RNF220: variants seen among roughly 807,000 people sequenced by gnomAD.
RNF220 encodes E3 ubiquitin-protein ligase RNF220.
Under a neutral mutation model 67.1 loss-of-function variants are expected in RNF220, and 7 were observed. The observed-to-expected ratio is 0.10, with a 90% CI of 0.06 to 0.20. The LOEUF is 0.20. Among genes scored for constraint, RNF220 ranks in the 10% least tolerant of loss-of-function variants. RNF220 has a pLI of 1.00. For synonymous variants in RNF220, 270 were observed against 283.2 expected, an observed-to-expected ratio of 0.95 and a Z score of 0.47; for missense variants, 565 against 740.3, an observed-to-expected ratio of 0.76 and a Z score of 2.75.
intron 2 of RNF220, among the ~76,000 whole-genome samples, chr1:44,513,529 A>C (rs1659205306): frequency 6.6e-6 from 1 of 152,168 alleles, no homozygotes; most frequent in African/African-American, 2.4e-5. Context: ...GATGGAGCGA[A>C]AGTGAGTGCA....
At chr1:44,529,529 C>T (rs1198333464) in intron 2 of RNF220, among the ~76,000 whole-genome samples, 1 of 152,102 alleles carries the variant, frequency 6.6e-6, no homozygotes, top group African/African-American at 2.4e-5. Context: ...CAAGTGCCAC[C>T]ACACCCAGTT....
chr1:44,406,560 G>A (rs933596198), intron 1 of RNF220, among the ~76,000 whole-genome samples: 4 of 152,246 alleles, frequency 2.6e-5, no homozygotes, highest in African/African-American at 9.6e-5. Context: ...AAACTTTTCA[G>A]TGAGCACGCC....
chr1:44,443,526 C>A (rs1651772737), intron 2 of RNF220, among the ~76,000 whole-genome samples: 1 of 152,172 alleles, frequency 6.6e-6, no homozygotes, highest in Non-Finnish European at 1.5e-5. Flanking sequence ...TGTCACCTGC[C>A]TACCTAACAC....
At position 44,628,578 on chromosome 1, in the gene RNF220, C is replaced by G. The variant is rs933077260; in HGVS notation, c.906+2180C>G. Among the ~76,000 whole-genome samples the G allele has an allele frequency of 5.3e-5, 8 of 152,214 alleles. No homozygotes were observed. In the East Asian group the frequency reaches 1.5e-3, roughly 29 times the overall value. ...CTAGGTTGTGTCCTACAAGATAAAG[C>G]TGAAGCTCCTTATCATGGCAGCGAG... On this transcript the variant is annotated intron_variant, in intron 5 of 14. Transcript: ENST00000361799.
chr1:44,561,287 G>A (rs941547066), intron 2 of RNF220, among the ~76,000 whole-genome samples: 2 of 152,122 alleles, frequency 1.3e-5, no homozygotes, highest in African/African-American at 4.8e-5. Flanking sequence ...CAAGGTGGAT[G>A]GATCACGAGG....
chr1:44,532,620 C>T (rs1466454307), intron 2 of RNF220, among the ~76,000 whole-genome samples: 2 of 152,208 alleles, frequency 1.3e-5, no homozygotes, highest in African/African-American at 4.8e-5. Flanking sequence ...ACTTCAAAGC[C>T]TTGCTTTGTT....
intron 8 of RNF220, among the ~76,000 whole-genome samples, chr1:44,638,583 C>G (rs1644398119): frequency 6.6e-6 from 1 of 152,208 alleles, no homozygotes; most frequent in Admixed American, 6.5e-5. Context: ...GCAAAGCTTC[C>G]CACCAGGCCC....
chr1:44,547,731 G>A (rs1282478773), intron 2 of RNF220, among the ~76,000 whole-genome samples: 2 of 152,098 alleles, frequency 1.3e-5, no homozygotes, highest in Admixed American at 6.5e-5. Flanking sequence ...ACTGCCTGGT[G>A]AATATCTTCA....
Position 44,405,441 on chromosome 1 carries a change from A to AC in RNF220, c.-204dup. On this transcript the variant is annotated 5_prime_UTR_variant, in exon 1 of 15. An upstream open reading frame in the 5' UTR gains an earlier in-frame stop. Transcript: ENST00000361799. ...GCCGCTGCCTCCGCCGGCTCTGCGA[A>AC]CCCGGGACTTTTCATGCACCACACT... The AC allele has an allele frequency of 1.6e-6, 1 of 614,162 alleles. No individual in the cohort carries two copies. Among genetic ancestry groups the AC allele is most frequent in the Non-Finnish European group, 2.9e-6 (1 of 341,514 alleles). 38.0% of individuals were successfully genotyped at this position (614,162 alleles called of 1,614,324 possible).
intron 2 of RNF220, among the ~76,000 whole-genome samples, chr1:44,610,226 C>T (rs928470069): frequency 6.6e-6 from 1 of 152,268 alleles, no homozygotes; most frequent in African/African-American, 2.4e-5. Context: ...CTCTGGCCGC[C>T]TGGCATTTTG....
At chr1:44,490,465 A>G (rs558119077) in intron 2 of RNF220, among the ~76,000 whole-genome samples, 48 of 151,638 alleles carry the variant, frequency 3.2e-4, no homozygotes, top group Non-Finnish European at 4.6e-4. Flanking sequence ...AGCAAGAGCG[A>G]AACTTCATTC....
intron 8 of RNF220, chr1:44,643,785 AGGAGGAAGTGGGGAG>A (rs1463251273): frequency 1.3e-5 from 2 of 152,404 alleles, no homozygotes; most frequent in Non-Finnish European, 2.9e-5. Flanking sequence ...GAGACCCACT[AGGAGGAAGTGGGGAG>A]CTGGGGGGAA....
Position 44,606,454 on chromosome 1 carries a change from T to A in RNF220, c.626-7711T>A, listed in dbSNP as rs546592057. ...TTGGATGGATGACAGGTGGATGAACTGGAGGGTAGATGGTTGTGCTATGTA... is the reference window on the plus strand; with the variant it reads ...TTGGATGGATGACAGGTGGATGAACAGGAGGGTAGATGGTTGTGCTATGTA... On this transcript the variant is annotated intron_variant, in intron 2 of 14. Coordinates refer to ENST00000361799, the MANE Select transcript of RNF220 (RefSeq NM_018150.4). This position sits in a 1 kb window ranked among gnomAD's most constrained non-coding sequence, Gnocchi z 4.2. Among the ~76,000 whole-genome samples, 1 of 152,336 alleles carries A rather than the reference T, an allele frequency of 6.6e-6. No homozygotes were observed. Among genetic ancestry groups the A allele is most frequent in the Admixed American group, 6.5e-5 (1 of 15,302 alleles).
intron 2 of RNF220, among the ~76,000 whole-genome samples, chr1:44,522,654 G>T (rs918722089): frequency 2.6e-5 from 4 of 152,022 alleles, no homozygotes; most frequent in Admixed American, 6.5e-5. Flanking sequence ...CATCCCTCCT[G>T]GGGGGGCGGG....
chr1:44,441,521 T>G (rs1651550589), intron 2 of RNF220, among the ~76,000 whole-genome samples: 1 of 152,096 alleles, frequency 6.6e-6, no homozygotes, highest in African/African-American at 2.4e-5. Flanking sequence ...GCAGTCAACA[T>G]GATAGGGAGG....
chr1:44,482,896 T>G (rs57826516), intron 2 of RNF220, among the ~76,000 whole-genome samples: 6 of 148,172 alleles, frequency 4.0e-5, no homozygotes, highest in Non-Finnish European at 8.9e-5. Context: ...GCTGGGATTG[T>G]AAGAGTGAGC....
chr1:44,636,193 C>T, intron 8 of RNF220, 31 bp downstream of exon 8: 1 of 1,578,234 alleles, frequency 6.3e-7, no homozygotes, highest in Middle Eastern at 1.7e-4. Flanking sequence ...GACATTGGCA[C>T]TCTGGTGCCA....
At chr1:44,473,644 C>G (rs943999879) in intron 2 of RNF220, among the ~76,000 whole-genome samples, 5 of 152,124 alleles carry the variant, frequency 3.3e-5, no homozygotes, top group African/African-American at 1.2e-4. Flanking sequence ...CAACAGTGAA[C>G]CAAGCCTGAT....
intron 2 of RNF220, among the ~76,000 whole-genome samples, chr1:44,585,639 G>A (rs1198847281): frequency 6.6e-6 from 1 of 152,188 alleles, no homozygotes; most frequent in Non-Finnish European, 1.5e-5. Context: ...TGACACAAGA[G>A]TGAGCAAAAC....
Sources: allele counts gnomAD v4.1 joint callset (sites outside exome capture counted in the v4.1 genomes callset), GRCh38; gene constraint gnomAD v4.1.1; non-coding constraint Gnocchi (gnomAD v3.1); transcripts MANE v1.5; gene names NCBI Gene and HGNC (gene_info 2026-07-23, HGNC 2026-07-21).